Variants in CASZ1 observed in about 807,000 individuals in gnomAD.
CASZ1 encodes zinc finger protein castor homolog 1.
Under a neutral mutation model 135.2 loss-of-function variants are expected in CASZ1, and 28 were observed. The ratio of observed to expected loss-of-function variants is 0.21; its 90% CI spans 0.15 to 0.28. The LOEUF (loss-of-function observed/expected upper bound fraction) is 0.28, where lower values mean the gene tolerates loss of function less well. CASZ1 is among the 10% of genes least tolerant of loss of function. CASZ1 has a pLI of 1.00. For missense variants in CASZ1, 2,161 were observed against 2,453.3 expected, an observed-to-expected ratio of 0.88 and a Z score of 2.52; for synonymous variants, 1,068 against 1,073.4, an observed-to-expected ratio of 0.99 and a Z score of 0.10.
At chr1:10,773,165 C>G (rs1320260257) in intron 1 of CASZ1, among the ~76,000 whole-genome samples, 1 of 152,152 alleles carries the variant, frequency 6.6e-6, no homozygotes, top group Non-Finnish European at 1.5e-5. Flanking sequence ...AAGCTCTCAT[C>G]AAACATAGGC....
chr1:10,734,084 C>G (rs1639750398), intron 2 of CASZ1, among the ~76,000 whole-genome samples: 2 of 152,178 alleles, frequency 1.3e-5, no homozygotes, highest in Non-Finnish European at 2.9e-5. Context: ...CATCCCCAGC[C>G]CTGCTCTCTC....
At chr1:10,713,531 G>A (rs746546059) in intron 2 of CASZ1, among the ~76,000 whole-genome samples, 1 of 152,188 alleles carries the variant, frequency 6.6e-6, no homozygotes, top group South Asian at 2.1e-4. Context: ...GGGCTGTGGC[G>A]CTTGGCCCTC....
At position 10,647,552 on chromosome 1, in the gene CASZ1, T is replaced by C; in HGVS notation, c.3497+249A>G. On this transcript the variant is annotated intron_variant, in intron 16 of 20. Coordinates refer to ENST00000377022, the MANE Select transcript of CASZ1 (RefSeq NM_001079843.3). The surrounding 1 kb of genome is among the most constrained non-coding windows in gnomAD (Gnocchi z 4.9). ...ACCTGGCCCTGGCAGGATCACCACA[T>C]GCCCTGCAGGAGCAGTAGCCACTGC... The C allele has an allele frequency of 7.2e-7, 1 of 1,389,598 alleles. No individual in the cohort carries two copies. Among genetic ancestry groups the C allele is most frequent in the Non-Finnish European group, 9.3e-7 (1 of 1,070,764 alleles). 86.1% of individuals were successfully genotyped at this position (1,389,598 alleles called of 1,614,324 possible).
At chr1:10,729,282 C>T (rs1247975504) in intron 2 of CASZ1, among the ~76,000 whole-genome samples, 1 of 152,094 alleles carries the variant, frequency 6.6e-6, no homozygotes, top group East Asian at 1.9e-4. Flanking sequence ...AGGGGGGCTT[C>T]CTGGGGGAGG....
intron 1 of CASZ1, among the ~76,000 whole-genome samples, chr1:10,789,512 C>T (rs1173417348): frequency 6.6e-6 from 1 of 151,854 alleles, no homozygotes; most frequent in Non-Finnish European, 1.5e-5. Context: ...TCCGAAGGAG[C>T]GACACGTCCC....
chr1:10,775,179 G>T (rs1485304450), intron 1 of CASZ1, among the ~76,000 whole-genome samples: 2 of 152,140 alleles, frequency 1.3e-5, no homozygotes, highest in Non-Finnish European at 2.9e-5. Flanking sequence ...GGCCCCCAGT[G>T]CATCGCTTTG....
At chr1:10,723,201 G>A (rs1187013979) in intron 2 of CASZ1, among the ~76,000 whole-genome samples, 1 of 152,158 alleles carries the variant, frequency 6.6e-6, no homozygotes, top group Non-Finnish European at 1.5e-5. Flanking sequence ...TGGGTGGGTA[G>A]GGGGACAAGA....
chr1:10,639,137 C>T lies in CASZ1; in HGVS notation c.5085G>A (p.Glu1695=), dbSNP rs763724701. 12 of 1,123,160 alleles carry T rather than the reference C, an allele frequency of 1.1e-5. No homozygotes were observed. The highest frequency in any genetic ancestry group is 1.2e-5 in the Non-Finnish European group (11 of 900,910). The allele number at this position is 1,123,160 out of a possible 1,614,324, so 69.6% of individuals were successfully genotyped here. A position where few individuals can be genotyped will look rare whatever the true frequency, so the allele number is the denominator to read the frequency against. ...PEEEAEDDED[E]DDDEDDDDED... ...CGTCGTCGTCGTCCTCGTCGTCGTCCTCGTCCTCGTCGTCTTCGGCCTCCT... is the reference window on the plus strand; with the variant it reads ...CGTCGTCGTCGTCCTCGTCGTCGTCTTCGTCCTCGTCGTCTTCGGCCTCCT... Residue 1695 remains glutamate, a synonymous_variant, in exon 21 of 21, where the codon GAG becomes GAA. Coordinates refer to ENST00000377022, the MANE Select transcript of CASZ1 (RefSeq NM_001079843.3). The surrounding 1 kb of genome is among the most constrained non-coding windows in gnomAD (Gnocchi z 4.0).
chr1:10,784,044 C>T (rs915158695), intron 1 of CASZ1, among the ~76,000 whole-genome samples: 1 of 152,132 alleles, frequency 6.6e-6, no homozygotes, highest in Non-Finnish European at 1.5e-5. Flanking sequence ...CCCAATTCCA[C>T]AGGACTGGAG....
chr1:10,731,708 A>G (rs1639704476), intron 2 of CASZ1, among the ~76,000 whole-genome samples: 1 of 152,234 alleles, frequency 6.6e-6, no homozygotes. Flanking sequence ...CTAACCTGTG[A>G]GAGTCTGTGA....
intron 8 of CASZ1, among the ~76,000 whole-genome samples, chr1:10,656,279 C>T (rs1397650865): frequency 6.6e-6 from 1 of 152,206 alleles, no homozygotes; most frequent in East Asian, 1.9e-4. Flanking sequence ...GGCTGAGCCA[C>T]AATTTTATCA....
intron 5 of CASZ1, among the ~76,000 whole-genome samples, chr1:10,663,052 C>T (rs972158059): frequency 6.6e-5 from 10 of 152,242 alleles, no homozygotes; most frequent in African/African-American, 9.6e-5. Flanking sequence ...GGTGCACCCG[C>T]GAGACTGAGA....
chr1:10,792,374 G>C (rs1239704308), intron 1 of CASZ1, among the ~76,000 whole-genome samples: 1 of 138,002 alleles, frequency 7.2e-6, no homozygotes, highest in Non-Finnish European at 1.5e-5. Flanking sequence ...AAATGTGGAG[G>C]GGTGGGGTTG....
chr1:10,715,150 C>T (rs927270880), intron 2 of CASZ1, among the ~76,000 whole-genome samples: 11 of 152,314 alleles, frequency 7.2e-5, no homozygotes, highest in Admixed American at 1.3e-4. Context: ...CTCTGGGCTC[C>T]GCATAACTGC....
chr1:10,682,424 G>T (rs1325966836), intron 4 of CASZ1, among the ~76,000 whole-genome samples: 1 of 152,160 alleles, frequency 6.6e-6, no homozygotes, highest in African/African-American at 2.4e-5. Context: ...CTGGGGGCCC[G>T]GCGGAATCCG....
intron 1 of CASZ1, among the ~76,000 whole-genome samples, chr1:10,779,668 A>G (rs868187590): frequency 6.6e-6 from 1 of 152,232 alleles, no homozygotes; most frequent in African/African-American, 2.4e-5. Context: ...CTACAGAAGC[A>G]TTTGGATTTT....
intron 18 of CASZ1, 74 bp downstream of exon 18, chr1:10,644,843 G>C: frequency 6.7e-7 from 1 of 1,482,640 alleles, no homozygotes; most frequent in Non-Finnish European, 9.1e-7. Flanking sequence ...TACCAGGAGA[G>C]GCGGCCCAGG....
intron 4 of CASZ1, among the ~76,000 whole-genome samples, chr1:10,683,809 C>T (rs1213595825): frequency 6.6e-6 from 1 of 152,238 alleles, no homozygotes; most frequent in East Asian, 1.9e-4. Flanking sequence ...CAAAATGCAT[C>T]TGCATCAACA....
At chr1:10,687,649 T>C (rs919082679) in intron 4 of CASZ1, among the ~76,000 whole-genome samples, 2 of 151,978 alleles carry the variant, frequency 1.3e-5, no homozygotes, top group African/African-American at 2.4e-5. Context: ...AGTGGTGAGG[T>C]CTGCTCAGGA....
Sources: gnomAD v4.1 joint callset for allele counts (sites outside exome capture counted in the v4.1 genomes callset) on GRCh38, gnomAD v4.1.1 for gene constraint, Gnocchi (gnomAD v3.1) non-coding constraint, MANE v1.5 for transcripts, NCBI Gene and HGNC (gene_info 2026-07-23, HGNC 2026-07-21) for gene names.